GPM6A: variants seen among roughly 807,000 people sequenced by gnomAD.
The protein encoded by GPM6A is neuronal membrane glycoprotein M6-a.
In GPM6A, 7 loss-of-function variants were observed where a neutral mutation model predicts 32.1. That is an observed-to-expected ratio of 0.22 (90% confidence interval 0.12 to 0.41). The LOEUF (loss-of-function observed/expected upper bound fraction) is 0.41. Ranked by LOEUF, GPM6A falls within the 10% of genes least tolerant of loss-of-function variation. The pLI, the probability that GPM6A is intolerant of heterozygous loss-of-function variation, is 1.00. For synonymous variants in GPM6A, 130 were observed against 123.4 expected (o/e 1.05, Z -0.35); for missense variants, 235 against 347.2 (o/e 0.68, Z 2.57).
At chr4:175,662,569 C>T (rs868035742) in intron 3 of GPM6A, among the ~76,000 whole-genome samples, 3 of 152,044 alleles carry the variant, frequency 2.0e-5, no homozygotes, top group African/African-American at 7.2e-5. Flanking sequence ...CACTGCACTC[C>T]AGCCTGGGCA....
chr4:175,945,676 A>G (rs924003555), intron 1 of GPM6A, among the ~76,000 whole-genome samples: 1 of 144,992 alleles, frequency 6.9e-6, no homozygotes, highest in Non-Finnish European at 1.5e-5. Flanking sequence ...AATATATGTT[A>G]TAAGTAATAT....
chr4:175,744,422 G>A (rs114321558), intron 1 of GPM6A, among the ~76,000 whole-genome samples: 6,719 of 151,956 alleles, frequency 0.044, 192 homozygotes, highest in Non-Finnish European at 0.063. Flanking sequence ...ACTACAAGTC[G>A]ATGATCTAAG....
At chr4:175,799,288 C>CA (rs892547280) in intron 1 of GPM6A, among the ~76,000 whole-genome samples, 1 of 151,860 alleles carries the variant, frequency 6.6e-6, no homozygotes, top group South Asian at 2.1e-4. Context: ...CCTTTTTGGC[C>CA]AAAAAATACA....
chr4:175,892,068 A>C (rs1737665602), intron 1 of GPM6A, among the ~76,000 whole-genome samples: 1 of 152,196 alleles, frequency 6.6e-6, no homozygotes, highest in Non-Finnish European at 1.5e-5. Flanking sequence ...CTAGTACTTT[A>C]AAACTACTAT....
chr4:175,943,889 C>T lies in GPM6A; in HGVS notation c.-23+58420G>A, dbSNP rs903790542. On this transcript the variant is annotated intron_variant, in intron 1 of 7. Coordinates refer to the GPM6A transcript ENST00000280187. ...GGTTTTGGTACGAGGATGATGCCGG[C>T]CTCATAAAATGAGTTAGAGAGGAGT... Among the ~76,000 whole-genome samples, 3 of 152,108 alleles carry T rather than the reference C, an allele frequency of 2.0e-5. No homozygotes were observed. In the South Asian group the frequency reaches 6.2e-4, roughly 32 times the overall value.
chr4:175,883,146 TA>T (rs1471419862), intron 1 of GPM6A, among the ~76,000 whole-genome samples: 1 of 152,064 alleles, frequency 6.6e-6, no homozygotes, highest in African/African-American at 2.4e-5. Flanking sequence ...TTGATGGAAG[TA>T]AGCTAATGGG....
At chr4:175,739,576 C>A (rs1290334166) in intron 1 of GPM6A, among the ~76,000 whole-genome samples, 1 of 152,052 alleles carries the variant, frequency 6.6e-6, no homozygotes, top group Non-Finnish European at 1.5e-5. Context: ...ATATAAAATG[C>A]AAAGATTGGT....
At chr4:175,999,502 C>T (rs979627774) in intron 1 of GPM6A, among the ~76,000 whole-genome samples, 2 of 151,262 alleles carry the variant, frequency 1.3e-5, no homozygotes, top group Non-Finnish European at 2.9e-5. Context: ...GCCAAAATTG[C>T]AATTTGCCTA....
chr4:175,968,428 G>A (rs1387271323), intron 1 of GPM6A, among the ~76,000 whole-genome samples: 1 of 152,104 alleles, frequency 6.6e-6, no homozygotes, highest in Non-Finnish European at 1.5e-5. Flanking sequence ...TGATAAGATG[G>A]ACTTCATTAA....
At chr4:175,763,444 T>C (rs1043703850) in intron 1 of GPM6A, among the ~76,000 whole-genome samples, 2 of 152,236 alleles carry the variant, frequency 1.3e-5, no homozygotes, top group African/African-American at 4.8e-5. Flanking sequence ...ATGAATCAGA[T>C]TCCTTTGACT....
intron 3 of GPM6A, among the ~76,000 whole-genome samples, chr4:175,670,057 G>A (rs552635638): frequency 5.3e-5 from 8 of 151,824 alleles, no homozygotes; most frequent in Non-Finnish European, 1.0e-4. Flanking sequence ...CTAGCTTCCT[G>A]AACTGTGAGA....
intron 1 of GPM6A, among the ~76,000 whole-genome samples, chr4:175,894,795 A>G (rs1737747917): frequency 1.4e-5 from 2 of 146,792 alleles, no homozygotes; most frequent in East Asian, 4.2e-4. Flanking sequence ...ACTCATACAC[A>G]AAATATTATA....
chr4:175,955,059 G>C (rs1739941934), intron 1 of GPM6A, among the ~76,000 whole-genome samples: 1 of 152,358 alleles, frequency 6.6e-6, no homozygotes, highest in East Asian at 1.9e-4. Flanking sequence ...AAGTAGAGAT[G>C]AATCACCCTA....
intron 1 of GPM6A, among the ~76,000 whole-genome samples, chr4:175,745,198 G>A (rs1340438281): frequency 6.6e-6 from 1 of 152,094 alleles, no homozygotes; most frequent in Non-Finnish European, 1.5e-5. Flanking sequence ...ATGTAAATCT[G>A]TTATCCTGAC....
At chr4:175,720,765 C>A (rs1208333224) in intron 1 of GPM6A, among the ~76,000 whole-genome samples, 2 of 151,932 alleles carry the variant, frequency 1.3e-5, no homozygotes, top group Non-Finnish European at 2.9e-5. Flanking sequence ...AACATGATGT[C>A]CAGTCAAATT....
intron 1 of GPM6A, among the ~76,000 whole-genome samples, chr4:175,770,725 T>G (rs1733153744): frequency 6.6e-6 from 1 of 152,156 alleles, no homozygotes; most frequent in Non-Finnish European, 1.5e-5. Context: ...ATGGATGACC[T>G]CACTGTGCAA....
At chr4:175,698,185 G>A (rs979186504) in intron 2 of GPM6A, among the ~76,000 whole-genome samples, 1 of 152,084 alleles carries the variant, frequency 6.6e-6, no homozygotes, top group Non-Finnish European at 1.5e-5. Context: ...TTCAGGGCTT[G>A]GGCAACTGGA....
chr4:175,965,851 A>T (rs554795284), intron 1 of GPM6A, among the ~76,000 whole-genome samples: 40 of 152,172 alleles, frequency 2.6e-4, no homozygotes, highest in African/African-American at 9.4e-4. Context: ...TGACCTTGTG[A>T]TCTGCCCACC....
intron 2 of GPM6A, among the ~76,000 whole-genome samples, chr4:175,679,266 T>G (rs2111001656): frequency 6.6e-6 from 1 of 152,176 alleles, no homozygotes; most frequent in Non-Finnish European, 1.5e-5. Flanking sequence ...TCCTTTTGAG[T>G]TTGTCTGATG....
Sources: allele counts gnomAD v4.1 joint callset (sites outside exome capture counted in the v4.1 genomes callset), GRCh38; gene constraint gnomAD v4.1.1; transcripts MANE v1.5; gene names NCBI Gene and HGNC (gene_info 2026-07-23, HGNC 2026-07-21).